The following HSF2BP variants were observed in gnomAD, a reference collection of about 807,000 sequenced individuals.
HSF2BP encodes the protein heat shock transcription factor 2 binding protein, also known as heat shock factor 2-binding protein.
HSF2BP carries 35 observed loss-of-function variants against 35.0 expected under a neutral mutation model. That is an observed-to-expected ratio of 1.00 (90% CI 0.76 to 1.32). The LOEUF (loss-of-function observed/expected upper bound fraction) is 1.32, where lower values mean the gene tolerates loss of function less well. HSF2BP is among the 40% of genes most tolerant of loss of function. The pLI, the probability that HSF2BP is intolerant of heterozygous loss-of-function variation, is 0.00. For synonymous variants in HSF2BP, 114 were observed against 117.4 expected (o/e 0.97, Z 0.18); for missense variants, 326 against 321.7 (o/e 1.01, Z -0.10).
intron 6 of HSF2BP, among the ~76,000 whole-genome samples, chr21:43,621,003 A>G (rs1261598867): frequency 1.3e-5 from 2 of 152,228 alleles, no homozygotes; most frequent in African/African-American, 4.8e-5. Flanking sequence ...TAAGGGGTAG[A>G]AAGCTTATTC....
chr21:43,641,113 C>T (rs924982876), intron 4 of HSF2BP, among the ~76,000 whole-genome samples: 2 of 152,204 alleles, frequency 1.3e-5, no homozygotes, highest in Non-Finnish European at 2.9e-5. Flanking sequence ...CTGCCTCAGC[C>T]TCCCGAGTAG....
chr21:43,626,735 C>A (rs1271986077), intron 6 of HSF2BP, among the ~76,000 whole-genome samples: 2 of 152,172 alleles, frequency 1.3e-5, no homozygotes, highest in Non-Finnish European at 2.9e-5. Flanking sequence ...CAAATAAACT[C>A]TGTACTTAGT....
intron 6 of HSF2BP, among the ~76,000 whole-genome samples, chr21:43,628,701 C>A (rs578212460): frequency 6.6e-6 from 1 of 152,220 alleles, no homozygotes; most frequent in Non-Finnish European, 1.5e-5. Flanking sequence ...TGGAAGAAGA[C>A]GCCATCTAGG....
chr21:43,587,157 T>TA (rs1239629387), intron 8 of HSF2BP, among the ~76,000 whole-genome samples: 3 of 152,318 alleles, frequency 2.0e-5, no homozygotes, highest in Admixed American at 6.5e-5. Context: ...ATTCACCTTC[T>TA]AAAACACATA....
intron 8 of HSF2BP, among the ~76,000 whole-genome samples, chr21:43,573,918 C>T (rs980091380): frequency 2.6e-5 from 4 of 152,156 alleles, no homozygotes; most frequent in African/African-American, 9.7e-5. Flanking sequence ...TTTGCTAAGT[C>T]GTTGGAAACT....
chr21:43,635,952 A>T (rs1247000887), intron 4 of HSF2BP, among the ~76,000 whole-genome samples: 1 of 146,448 alleles, frequency 6.8e-6, no homozygotes, highest in African/African-American at 2.5e-5. Flanking sequence ...AAAAAACAGA[A>T]TCATAGGCCA....
chr21:43,626,317 C>T (rs1166594382), intron 6 of HSF2BP, among the ~76,000 whole-genome samples: 2 of 151,800 alleles, frequency 1.3e-5, no homozygotes, highest in Non-Finnish European at 2.9e-5. Context: ...TTCCTAAGAA[C>T]AGCATGGGAA....
intron 8 of HSF2BP, among the ~76,000 whole-genome samples, chr21:43,588,486 G>A (rs1172365033): frequency 1.3e-5 from 2 of 151,730 alleles, no homozygotes; most frequent in Non-Finnish European, 2.9e-5. Context: ...ACAGGGTCTG[G>A]AGCCAGGCGG....
At chr21:43,633,526 T>C in intron 4 of HSF2BP, 105 bp from the exon 5 acceptor site, 1 of 1,019,476 alleles carries the variant, frequency 9.8e-7, no homozygotes. Flanking sequence ...AATGCATGTA[T>C]AATTATAGAA....
At chr21:43,633,866 C>T (rs2082517554) in intron 4 of HSF2BP, among the ~76,000 whole-genome samples, 1 of 152,188 alleles carries the variant, frequency 6.6e-6, no homozygotes, top group Non-Finnish European at 1.5e-5. Context: ...CTGCCAGAGG[C>T]AGACACCAAA....
intron 6 of HSF2BP, among the ~76,000 whole-genome samples, chr21:43,622,216 G>C (rs1359494852): frequency 1.3e-5 from 2 of 151,926 alleles, no homozygotes; most frequent in Non-Finnish European, 2.9e-5. Context: ...ACACACCAGA[G>C]AAAATCACTT....
At chr21:43,587,122 T>C (rs2081861223) in intron 8 of HSF2BP, among the ~76,000 whole-genome samples, 1 of 152,238 alleles carries the variant, frequency 6.6e-6, no homozygotes, top group African/African-American at 2.4e-5. Flanking sequence ...TTGTTCCTAT[T>C]TTCCTATTCT....
intron 4 of HSF2BP, among the ~76,000 whole-genome samples, chr21:43,642,795 CTTTTTT>C (rs869086487): frequency 1.1e-4 from 10 of 92,124 alleles, no homozygotes; most frequent in Non-Finnish European, 1.9e-4. Context: ...GGCTTCTTTT[CTTTTTT>C]TTTTTTTTTT....
chr21:43,594,528 A>G (rs2081962308), intron 7 of HSF2BP, among the ~76,000 whole-genome samples: 1 of 152,220 alleles, frequency 6.6e-6, no homozygotes, highest in Non-Finnish European at 1.5e-5. Context: ...TCATGCTTTA[A>G]AAAAGGGGCT....
At chr21:43,577,053 T>C (rs1357042853) in intron 8 of HSF2BP, among the ~76,000 whole-genome samples, 1 of 152,168 alleles carries the variant, frequency 6.6e-6, no homozygotes, top group East Asian at 1.9e-4. Context: ...ATTCTTCAGG[T>C]GGTCAAGGAG....
intron 6 of HSF2BP, among the ~76,000 whole-genome samples, chr21:43,618,478 C>T (rs746756457): frequency 6.6e-6 from 1 of 152,036 alleles, no homozygotes; most frequent in Non-Finnish European, 1.5e-5. Context: ...AACTGAATTC[C>T]AACAAAGGTG....
intron 8 of HSF2BP, among the ~76,000 whole-genome samples, chr21:43,574,472 C>T (rs1453695950): frequency 3.9e-5 from 6 of 152,148 alleles, no homozygotes; most frequent in African/African-American, 1.4e-4. Flanking sequence ...ATTCTCCTGC[C>T]TCAGCCTCCC....
intron 4 of HSF2BP, among the ~76,000 whole-genome samples, chr21:43,640,653 T>C (rs2082623546): frequency 6.6e-6 from 1 of 152,240 alleles, no homozygotes; most frequent in Non-Finnish European, 1.5e-5. Context: ...TATCTTCTAC[T>C]ATAGTTACGC....
intron 7 of HSF2BP, among the ~76,000 whole-genome samples, chr21:43,598,703 CA>C (rs1406228640): frequency 1.3e-5 from 2 of 152,034 alleles, no homozygotes; most frequent in Non-Finnish European, 2.9e-5. Context: ...TACATGAATT[CA>C]AAAGCTACTC....
Sources: allele counts gnomAD v4.1 joint callset (sites outside exome capture counted in the v4.1 genomes callset), GRCh38; gene constraint gnomAD v4.1.1; transcripts MANE v1.5; gene names NCBI Gene and HGNC (gene_info 2026-07-23, HGNC 2026-07-21).